PPARGC1A: variants seen among roughly 807,000 people sequenced by gnomAD.
The protein encoded by PPARGC1A is PPARG coactivator 1 alpha, also known as peroxisome proliferator-activated receptor gamma coactivator 1-alpha.
In PPARGC1A, 25 loss-of-function variants were observed where a neutral mutation model predicts 88.7. The ratio of observed to expected loss-of-function variants is 0.28; its 90% CI spans 0.21 to 0.39. PPARGC1A has a LOEUF of 0.39. Among genes scored for constraint, PPARGC1A ranks in the 10% least tolerant of loss-of-function variants. PPARGC1A has a pLI of 1.00. For synonymous variants in PPARGC1A, 363 were observed against 355.6 expected (o/e 1.02, Z -0.24); for missense variants, 880 against 968.7 (o/e 0.91, Z 1.22).
chr4:24,441,551 A>T, the PPARGC1A span, among the ~76,000 whole-genome samples: 1 of 152,188 alleles, frequency 6.6e-6, no homozygotes, highest in South Asian at 2.1e-4. Flanking sequence ...GTTACAGGAC[A>T]TAGGAGGAGG....
chr4:23,917,306 T>C, the PPARGC1A span, among the ~76,000 whole-genome samples: 1 of 152,148 alleles, frequency 6.6e-6, no homozygotes, highest in Non-Finnish European at 1.5e-5. Context: ...ATTACACCAC[T>C]GCCCTCCTAG....
chr4:23,979,712 C>T, the PPARGC1A span, among the ~76,000 whole-genome samples: 1 of 152,324 alleles, frequency 6.6e-6, no homozygotes, highest in Middle Eastern at 3.4e-3. Context: ...AGGGATGGTG[C>T]CATGGATCCT....
the PPARGC1A span, among the ~76,000 whole-genome samples, chr4:24,111,683 T>C: frequency 6.6e-6 from 1 of 152,170 alleles, no homozygotes; most frequent in Non-Finnish European, 1.5e-5. Flanking sequence ...TTTTCCAAGA[T>C]TGTAAATTGC....
At chr4:24,071,110 A>G in the PPARGC1A span, among the ~76,000 whole-genome samples, 1 of 152,190 alleles carries the variant, frequency 6.6e-6, no homozygotes, top group Non-Finnish European at 1.5e-5. Context: ...CAAATTTATC[A>G]GCCTCTGTTA....
the PPARGC1A span, among the ~76,000 whole-genome samples, chr4:24,472,457 G>A: frequency 6.6e-6 from 1 of 152,088 alleles, no homozygotes; most frequent in Non-Finnish European, 1.5e-5. This position sits in a 1 kb window ranked among gnomAD's most constrained non-coding sequence, Gnocchi z 4.5. Flanking sequence ...CCCGCAGCCC[G>A]CCATGCTCTG....
At chr4:24,277,090 G>A in the PPARGC1A span, among the ~76,000 whole-genome samples, 1 of 152,062 alleles carries the variant, frequency 6.6e-6, no homozygotes, top group Non-Finnish European at 1.5e-5. Context: ...GGATTTTTGG[G>A]TTTTGCTTTT....
the PPARGC1A span, among the ~76,000 whole-genome samples, chr4:24,286,268 C>T: frequency 1.3e-5 from 2 of 152,140 alleles, no homozygotes; most frequent in Admixed American, 6.5e-5. Context: ...AAGCTACAGG[C>T]TTCTACTCAC....
chr4:24,124,696 A>G, the PPARGC1A span, among the ~76,000 whole-genome samples: 1 of 152,070 alleles, frequency 6.6e-6, no homozygotes, highest in African/African-American at 2.4e-5. Flanking sequence ...GGAGATGCAA[A>G]TGTTAGTACA....
chr4:24,295,481 CAG>C, the PPARGC1A span, among the ~76,000 whole-genome samples: 2 of 151,950 alleles, frequency 1.3e-5, no homozygotes, highest in Admixed American at 1.3e-4. Flanking sequence ...GGAAAACCAT[CAG>C]AGAGGGCATT....
At chr4:23,799,500 G>C (rs1718262915) in intron 12 of PPARGC1A, among the ~76,000 whole-genome samples, 1 of 152,200 alleles carries the variant, frequency 6.6e-6, no homozygotes, top group Admixed American at 6.5e-5. Flanking sequence ...TCAATCCCAG[G>C]TCTGCGGGAT....
At chr4:24,005,436 T>C in the PPARGC1A span, among the ~76,000 whole-genome samples, 1 of 152,248 alleles carries the variant, frequency 6.6e-6, no homozygotes, top group East Asian at 1.9e-4. Context: ...TAACCTTTAG[T>C]AAATTATCCC....
the PPARGC1A span, among the ~76,000 whole-genome samples, chr4:24,194,129 C>CAAAAAA: frequency 5.4e-5 from 7 of 128,758 alleles, no homozygotes; most frequent in Admixed American, 7.9e-5. Flanking sequence ...AACTCCATCT[C>CAAAAAA]AAAAAAAAAA....
the PPARGC1A span, among the ~76,000 whole-genome samples, chr4:24,147,269 C>T: frequency 1.1e-3 from 164 of 152,288 alleles, no homozygotes; most frequent in Non-Finnish European, 1.4e-3. Context: ...GACTCATGCT[C>T]GAACCGGAAG....
At chr4:24,403,193 C>A in the PPARGC1A span, among the ~76,000 whole-genome samples, 1 of 152,156 alleles carries the variant, frequency 6.6e-6, no homozygotes. Context: ...GGACACAATG[C>A]CACTCTCCCA....
the PPARGC1A span, among the ~76,000 whole-genome samples, chr4:24,038,077 T>C: frequency 6.6e-6 from 1 of 152,192 alleles, no homozygotes; most frequent in Non-Finnish European, 1.5e-5. Flanking sequence ...CAGAATAGAA[T>C]GGATTTCAGC....
At chr4:24,385,429 C>T in the PPARGC1A span, among the ~76,000 whole-genome samples, 1 of 152,176 alleles carries the variant, frequency 6.6e-6, no homozygotes, top group South Asian at 2.1e-4. Context: ...ACAAAAACCC[C>T]TTCAAAAACT....
the PPARGC1A span, among the ~76,000 whole-genome samples, chr4:24,251,731 C>T: frequency 2.6e-5 from 4 of 152,130 alleles, no homozygotes; most frequent in African/African-American, 9.7e-5. Flanking sequence ...TGAGATTCTA[C>T]AACAGGAGAG....
chr4:23,982,647 TAAA>T, the PPARGC1A span, among the ~76,000 whole-genome samples: 1 of 152,106 alleles, frequency 6.6e-6, no homozygotes, highest in African/African-American at 2.4e-5. Context: ...AGCCTACAAA[TAAA>T]AAAGACCTGA....
At chr4:24,359,779 C>A in the PPARGC1A span, among the ~76,000 whole-genome samples, 1 of 152,164 alleles carries the variant, frequency 6.6e-6, no homozygotes, top group Non-Finnish European at 1.5e-5. Context: ...CCAAAGATTG[C>A]AACCACTGGA....
Sources: allele counts gnomAD v4.1 joint callset (sites outside exome capture counted in the v4.1 genomes callset), GRCh38; gene constraint gnomAD v4.1.1; non-coding constraint Gnocchi (gnomAD v3.1); transcripts MANE v1.5; gene names NCBI Gene and HGNC (gene_info 2026-07-23, HGNC 2026-07-21).